The following PDCD11 variants were observed in gnomAD, a reference collection of about 807,000 sequenced individuals.
PDCD11 encodes the protein protein RRP5 homolog.
In PDCD11, 97 loss-of-function variants were observed where a neutral mutation model predicts 198.9. The observed-to-expected ratio is 0.49, with a 90% CI of 0.41 to 0.58. The LOEUF is 0.58. PDCD11 is among the 20% of genes least tolerant of loss of function. The pLI, the probability that PDCD11 is intolerant of heterozygous loss-of-function variation, is 0.00. For synonymous variants in PDCD11, 893 were observed against 918.0 expected (o/e 0.97, Z 0.49); for missense variants, 2,102 against 2,312.7 (o/e 0.91, Z 1.87).
intron 5 of PDCD11, among the ~76,000 whole-genome samples, chr10:103,405,598 G>T (rs2030399095): frequency 6.6e-6 from 1 of 152,090 alleles, no homozygotes; most frequent in South Asian, 2.1e-4. Context: ...ATTTCACCAT[G>T]TTGGCCAGGC....
At chr10:103,442,790 A>G (rs749354525) in intron 32 of PDCD11, among the ~76,000 whole-genome samples, 5 of 152,192 alleles carry the variant, frequency 3.3e-5, no homozygotes. Context: ...TGGTTTTCCA[A>G]ACAGAGGGAG....
chr10:103,414,427 A>C, intron 11 of PDCD11, 97 bp downstream of exon 11: 1 of 795,360 alleles, frequency 1.3e-6, no homozygotes, highest in Non-Finnish European at 2.1e-6. Flanking sequence ...TCATGTTAAC[A>C]CATTGAATGT....
chr10:103,398,637 T>C, intron 2 of PDCD11, 109 bp downstream of exon 2: 1 of 729,444 alleles, frequency 1.4e-6, no homozygotes, highest in Non-Finnish European at 2.4e-6. Context: ...TTTTTTTGCA[T>C]TGAAGTCTAC....
At chr10:103,415,300 T>G in intron 12 of PDCD11, 149 bp downstream of exon 12, 3 of 747,550 alleles carry the variant, frequency 4.0e-6, no homozygotes, top group African/African-American at 1.8e-5. Flanking sequence ...GAAAAGTGAG[T>G]CCCCGTTTTG....
intron 17 of PDCD11, among the ~76,000 whole-genome samples, chr10:103,422,477 C>T (rs1461043414): frequency 6.6e-6 from 1 of 151,208 alleles, no homozygotes; most frequent in African/African-American, 2.4e-5. Flanking sequence ...TCCTCTTCTC[C>T]CCACTGCCAG....
At position 103,413,110 on chromosome 10, in the gene PDCD11, G is replaced by A. The variant is rs1286159441; in HGVS notation, c.979-6G>A. The A allele has an allele frequency of 1.2e-6, 2 of 1,612,930 alleles. No individual in the cohort carries two copies. Among genetic ancestry groups the A allele is most frequent in the South Asian group, 2.2e-5 (2 of 91,040 alleles). ...TCCTGCTCACCCTGCCCTTCCTTTT[G>A]TCTAGGTGAGGGCCTGCATCCTTTG... is the stretch of plus-strand genomic sequence containing the variant. On this transcript the variant is annotated splice_region_variant and splice_polypyrimidine_tract_variant and intron_variant, in intron 8 of 35. Coordinates refer to ENST00000369797, the MANE Select transcript of PDCD11 (RefSeq NM_014976.2).
In PDCD11 at chr10:103,413,251, C is replaced by A. The variant is rs1450072396; in HGVS notation, c.1114C>A (p.Pro372Thr). 2 of 1,614,042 alleles carry A rather than the reference C, an allele frequency of 1.2e-6. No homozygotes were observed. The highest frequency in any genetic ancestry group is 4.5e-5 in the East Asian group (2 of 44,890). The part of the protein sequence containing the change: ...QNLGAVLDDV[P>T]VQGFFKKAGA... ...CCTTGGAGCAGTGCTGGATGATGTT[C>A]CTGTCCAGGGTTTTTTCAAAAAGGC... The change falls in exon 9 of 36, where the codon CCT (proline) becomes ACT (threonine). Residue 372 changes from proline to threonine, a missense_variant. By Grantham distance (38) the Pro-to-Thr change is conservative. Coordinates refer to ENST00000369797, the MANE Select transcript of PDCD11 (RefSeq NM_014976.2).
At chr10:103,424,098 G>A (rs2133718262) in intron 19 of PDCD11, among the ~76,000 whole-genome samples, 1 of 152,312 alleles carries the variant, frequency 6.6e-6, no homozygotes, top group Non-Finnish European at 1.5e-5. Flanking sequence ...TGAAATAAAA[G>A]CTGAAAATGT....
chr10:103,422,059 TTATTA>T (rs2031470133), intron 17 of PDCD11, among the ~76,000 whole-genome samples: 2 of 35,890 alleles, frequency 5.6e-5, no homozygotes, highest in Non-Finnish European at 1.0e-4. Flanking sequence ...CACAATTTTA[TTATTA>T]TTATTATTAT....
At chr10:103,424,674 A>C (rs1364821679) in intron 19 of PDCD11, among the ~76,000 whole-genome samples, 1 of 152,240 alleles carries the variant, frequency 6.6e-6, no homozygotes, top group Non-Finnish European at 1.5e-5. Flanking sequence ...AAGGCTGTGC[A>C]TCAGAATTAT....
Position 103,444,499 on chromosome 10 carries a change from G to A in PDCD11, c.5279-18G>A, listed in dbSNP as rs765526481. ...GGCTGTCTGCTTGTTGGGTCTCTGA[G>A]CAGTCCTCTCCCTGCAGATGTGGAT... On this transcript the variant is annotated intron_variant, in intron 34 of 35. Coordinates refer to ENST00000369797, the MANE Select transcript of PDCD11 (RefSeq NM_014976.2). 1 of 1,613,192 alleles carries A rather than the reference G, an allele frequency of 6.2e-7. No individual in the cohort carries two copies. The highest frequency in any genetic ancestry group is 8.5e-7 in the Non-Finnish European group (1 of 1,179,308).
At chr10:103,429,099 G>A (rs1019198402) in intron 21 of PDCD11, among the ~76,000 whole-genome samples, 3 of 152,114 alleles carry the variant, frequency 2.0e-5, no homozygotes, top group Non-Finnish European at 2.9e-5. Context: ...TCCTCATTTC[G>A]TATGGGGATC....
rs1219418822 is a variant in PDCD11, at chr10:103,425,120, C to T, written c.2900C>T (p.Ser967Leu). The change falls in exon 20 of 36, where the codon TCA (serine) becomes TTA (leucine). Residue 967 changes from serine (S) to leucine (L), a missense_variant. Transcript: ENST00000369797. ...SHLNDTFRFDSEKLQVGQGVS... is the reference protein window; with the variant it reads ...SHLNDTFRFDLEKLQVGQGVS... Reference sequence around the variant, plus strand: ...CTCAACGACACCTTCCGCTTTGACTCAGAGAAATTGCAGGTGGGACAGGGT... The same window carrying T: ...CTCAACGACACCTTCCGCTTTGACTTAGAGAAATTGCAGGTGGGACAGGGT... The T allele has an allele frequency of 1.2e-6, 2 of 1,614,118 alleles. No homozygotes were observed. Among genetic ancestry groups the T allele is most frequent in the African/African-American group, 2.7e-5 (2 of 74,938 alleles).
chr10:103,417,719 AGTGG>A lies in PDCD11; in HGVS notation c.1771-72_1771-69del. ...GATCTCCCAAGTCCTCTGCAGCAGT[AGTGG>A]AGGGCACGTTGCAGGGCCTGCAAGG... On this transcript the variant is annotated intron_variant, in intron 13 of 35. Coordinates refer to ENST00000369797, the MANE Select transcript of PDCD11 (RefSeq NM_014976.2). 20 of 1,507,472 alleles carry A rather than the reference AGTGG, an allele frequency of 1.3e-5. No individual in the cohort carries two copies. In the East Asian group the frequency reaches 3.4e-4, roughly 25 times the overall value. 93.4% of individuals were successfully genotyped at this position (1,507,472 alleles called of 1,614,324 possible).
chr10:103,426,786 A>C (rs1014560601), intron 20 of PDCD11, among the ~76,000 whole-genome samples: 1 of 139,756 alleles, frequency 7.2e-6, no homozygotes, highest in Non-Finnish European at 1.6e-5. Context: ...ACTCCGTTTC[A>C]AAAAAAAAAA....
intron 17 of PDCD11, among the ~76,000 whole-genome samples, chr10:103,421,937 G>A (rs1191306305): frequency 2.2e-5 from 3 of 136,624 alleles, no homozygotes; most frequent in African/African-American, 5.7e-5. Flanking sequence ...ACTGCAGCCC[G>A]CAGTCCGGCC....
Position 103,443,303 on chromosome 10 carries a change from T to C in PDCD11, c.5094T>C (p.Ala1698=), listed in dbSNP as rs142015255. ...NEPLKVFLHL[A]DIYAKSEKFQ... is the part of the protein sequence containing the mutation. ...CTCTCAAAGTCTTTCTCCACCTGGC[T>C]GACATCTACGCCAAGTCAGAGAAAT... Residue 1698 remains alanine, a synonymous_variant, in exon 33 of 36, where the codon GCT becomes GCC. Transcript: ENST00000369797. 201 of 1,611,794 alleles carry C rather than the reference T, an allele frequency of 1.2e-4. No individual in the cohort carries two copies. In the African/African-American group the frequency reaches 2.5e-3, roughly 20 times the overall value.
At chr10:103,411,116 C>T (rs931122123) in intron 8 of PDCD11, among the ~76,000 whole-genome samples, 5 of 151,656 alleles carry the variant, frequency 3.3e-5, no homozygotes, top group African/African-American at 9.7e-5. Flanking sequence ...GAGGTCTCGC[C>T]ATGTTGCCCA....
chr10:103,420,259 C>G (rs1259241509), intron 16 of PDCD11, among the ~76,000 whole-genome samples: 1 of 152,122 alleles, frequency 6.6e-6, no homozygotes, highest in Non-Finnish European at 1.5e-5. Context: ...CCACTCCACA[C>G]TACACATTGA....
Sources: allele counts gnomAD v4.1 joint callset (sites outside exome capture counted in the v4.1 genomes callset), GRCh38; gene constraint gnomAD v4.1.1; transcripts MANE v1.5; gene names NCBI Gene and HGNC (gene_info 2026-07-23, HGNC 2026-07-21).